The following ABL1 variants were observed in gnomAD, a reference collection of about 807,000 sequenced individuals.
ABL1 encodes the protein ABL proto-oncogene 1, non-receptor tyrosine kinase.
ABL1 carries 11 observed loss-of-function variants against 94.7 expected under a neutral mutation model. The ratio of observed to expected loss-of-function variants is 0.12; its 90% confidence interval spans 0.07 to 0.19. ABL1 has a LOEUF of 0.19. Ranked by LOEUF, ABL1 falls within the 10% of genes least tolerant of loss-of-function variation. ABL1 has a pLI of 1.00. For missense variants in ABL1, 1,082 were observed against 1,489.4 expected (o/e 0.73, Z 4.50); for synonymous variants, 656 against 622.4 (o/e 1.05, Z -0.80).
intron 1 of ABL1, among the ~76,000 whole-genome samples, chr9:130,775,574 G>A (rs1343472378): frequency 1.3e-5 from 2 of 151,986 alleles, no homozygotes; most frequent in Admixed American, 6.6e-5. Context: ...TATACAAAAC[G>A]CAGCATAGAG....
At position 130,854,101 on chromosome 9, in the gene ABL1, T is replaced by C; in HGVS notation, c.117T>C (p.Pro39=). The C allele has an allele frequency of 6.2e-7, 1 of 1,614,138 alleles. No individual in the cohort carries two copies. The highest frequency in any genetic ancestry group is 8.5e-7 in the Non-Finnish European group (1 of 1,180,012). ...GGCCAGTAGCATCTGACTTTGAGCC[T>C]CAGGGTCTGAGTGAAGCCGCTCGTT... ...LQRPVASDFE[P]QGLSEAARWN... The change falls in exon 2 of 11, where the codon CCT becomes CCC. Residue 39 remains proline, a synonymous_variant. Transcript: ENST00000318560.
intron 1 of ABL1, among the ~76,000 whole-genome samples, chr9:130,815,055 C>T (rs959060333): frequency 1.9e-4 from 29 of 152,048 alleles, no homozygotes; most frequent in African/African-American, 6.5e-4. Flanking sequence ...TCAGACAGGC[C>T]GGGCATGGTG....
chr9:130,817,477 C>G (rs1830302406), intron 1 of ABL1, among the ~76,000 whole-genome samples: 3 of 152,172 alleles, frequency 2.0e-5, no homozygotes, highest in African/African-American at 7.2e-5. Context: ...GCCTTTGCCT[C>G]TTTTAAAAAG....
intron 1 of ABL1, chr9:130,724,687 C>T (rs1234760206): frequency 1.8e-5 from 6 of 338,124 alleles, no homozygotes; most frequent in Non-Finnish European, 3.0e-5. Flanking sequence ...CCTGTAATCC[C>T]AGCTACCTGG....
intron 1 of ABL1, among the ~76,000 whole-genome samples, chr9:130,779,264 A>G (rs986897956): frequency 5.3e-5 from 8 of 152,082 alleles, no homozygotes; most frequent in African/African-American, 1.9e-4. Context: ...ATTTGTTAAG[A>G]TGAGTCAAAT....
intron 8 of ABL1, among the ~76,000 whole-genome samples, chr9:130,879,777 T>C (rs542637661): frequency 6.6e-6 from 1 of 152,354 alleles, no homozygotes; most frequent in East Asian, 1.9e-4. Context: ...TTAGTAATTT[T>C]CTACACCTAC....
At chr9:130,715,611 G>A (rs1831427424) in intron 1 of ABL1, among the ~76,000 whole-genome samples, 1 of 152,088 alleles carries the variant, frequency 6.6e-6, no homozygotes, top group Admixed American at 6.6e-5. Flanking sequence ...TTGTTATGAT[G>A]GTTCCCAAAT....
chr9:130,871,089 C>T (rs1831243921), intron 4 of ABL1, among the ~76,000 whole-genome samples: 1 of 152,220 alleles, frequency 6.6e-6, no homozygotes, highest in Non-Finnish European at 1.5e-5. Flanking sequence ...ACTCTCTGTT[C>T]CCCTGCAGTC....
At position 130,791,524 on chromosome 9, in the gene ABL1, C is replaced by T. The variant is rs573141516; in HGVS notation, c.137-62540C>T. Among the ~76,000 whole-genome samples, 18 of 152,188 alleles carry T rather than the reference C, an allele frequency of 1.2e-4. No individual in the cohort carries two copies. In the South Asian group the frequency reaches 3.5e-3, roughly 30 times the overall value. On this transcript the variant is annotated intron_variant, in intron 1 of 10. Transcript: ENST00000372348. ...AAGACCCACCCTCAACGTGGGTGGG[C>T]ACCATCCAGTTGGTTGCCAGTGCAG...
chr9:130,717,562 G>C (rs1334833102), intron 1 of ABL1, among the ~76,000 whole-genome samples: 1 of 151,246 alleles, frequency 6.6e-6, no homozygotes, highest in Non-Finnish European at 1.5e-5. Flanking sequence ...AATTAGCCAA[G>C]CTCCCACTGG....
Position 130,854,045 on chromosome 9 carries a change from TCC to T in ABL1, c.80-14_80-13del. On this transcript the variant is annotated splice_polypyrimidine_tract_variant and intron_variant, in intron 1 of 10. Coordinates refer to ENST00000318560, the MANE Select transcript of ABL1 (RefSeq NM_005157.6). ...TTCTCTTCCTTTTTCTTTTTTCTGTTCCCCCCTTTCTCTTCCAGAAGCCCTTC... is the reference window on the plus strand; with the variant it reads ...TTCTCTTCCTTTTTCTTTTTTCTGTTCCCCTTTCTCTTCCAGAAGCCCTTC... The T allele has an allele frequency of 6.4e-7, 1 of 1,569,834 alleles. No individual in the cohort carries two copies. Among genetic ancestry groups the T allele is most frequent in the Non-Finnish European group, 8.6e-7 (1 of 1,160,764 alleles).
chr9:130,844,810 A>G (rs1306333288), intron 1 of ABL1, among the ~76,000 whole-genome samples: 1 of 152,222 alleles, frequency 6.6e-6, no homozygotes, highest in Non-Finnish European at 1.5e-5. Flanking sequence ...TCCCCACCAA[A>G]CAAAAAAAGA....
chr9:130,722,536 C>T (rs1831529426), intron 1 of ABL1, among the ~76,000 whole-genome samples: 1 of 152,140 alleles, frequency 6.6e-6, no homozygotes, highest in Non-Finnish European at 1.5e-5. Flanking sequence ...GTCACCCAGG[C>T]TGGAGTGTAG....
intron 1 of ABL1, among the ~76,000 whole-genome samples, chr9:130,788,313 A>T (rs1348649616): frequency 6.6e-6 from 1 of 152,220 alleles, no homozygotes; most frequent in African/African-American, 2.4e-5. Flanking sequence ...GCTACATTAC[A>T]TTTGCTTTAC....
At position 130,884,620 on chromosome 9, in the gene ABL1, G is replaced by A. The variant is rs764672465; in HGVS notation, c.2330G>A (p.Arg777Gln). 2.0e-5 allele frequency: 33 copies of A among 1,613,286 alleles called. No individual in the cohort carries two copies. Among genetic ancestry groups the A allele is most frequent in the East Asian group, 6.7e-5 (3 of 44,872 alleles). The stretch of plus-strand genomic sequence containing the variant: ...GAGAACAGGTCTGACCAGGTGACCC[G>A]AGGCACAGTAACGCCTCCCCCCAGG... ...AGENRSDQVTRGTVTPPPRLV... is the reference protein window; with the variant it reads ...AGENRSDQVTQGTVTPPPRLV... Residue 777 changes from arginine (R) to glutamine (Q), a missense_variant, in exon 11 of 11, where the codon CGA becomes CAA. Arg to Gln is a conservative substitution (Grantham distance 43). Coordinates refer to ENST00000318560, the MANE Select transcript of ABL1 (RefSeq NM_005157.6). The surrounding 1 kb of genome is among the most constrained non-coding windows in gnomAD (Gnocchi z 5.6).
intron 1 of ABL1, among the ~76,000 whole-genome samples, chr9:130,783,986 CAAGG>C (rs1588237631): frequency 6.6e-6 from 1 of 152,026 alleles, no homozygotes. Context: ...AAAACGTCCA[CAAGG>C]TAAGGAAATT....
upstream of ABL1, among the ~76,000 whole-genome samples, chr9:130,833,502 A>G (rs1185989727): frequency 3.3e-5 from 5 of 152,194 alleles, no homozygotes; most frequent in African/African-American, 7.2e-5. Flanking sequence ...GATCCTAGAA[A>G]GCATCCAGAG....
intron 1 of ABL1, among the ~76,000 whole-genome samples, chr9:130,716,113 GTC>G (rs1290374645): frequency 9.1e-6 from 1 of 110,090 alleles, no homozygotes; most frequent in Admixed American, 1.3e-4. Flanking sequence ...TTGAGTCAGA[GTC>G]TCTGTGTGTC....
Position 130,882,769 on chromosome 9 carries a change from C to T in ABL1, c.1679-1200C>T, listed in dbSNP as rs558493442. 5.9e-5 allele frequency among the ~76,000 whole-genome samples: 9 copies of T among 152,280 alleles called. No homozygotes were observed. The South Asian group carries it at 1.9e-3, about 32-fold the overall frequency. On this transcript the variant is annotated intron_variant, in intron 10 of 10. Transcript: ENST00000318560. ...CAGGATGGTCTCTATCTCTTGACCT[C>T]ATGATCCGCCCACCTCAGCCTCCCA...
Sources: gnomAD v4.1 joint callset for allele counts (sites outside exome capture counted in the v4.1 genomes callset) on GRCh38, gnomAD v4.1.1 for gene constraint, Gnocchi (gnomAD v3.1) non-coding constraint, MANE v1.5 for transcripts, NCBI Gene and HGNC (gene_info 2026-07-23, HGNC 2026-07-21) for gene names.